DLEU7: variants seen among roughly 807,000 people sequenced by gnomAD.
DLEU7 encodes the protein deleted in lymphocytic leukemia 7.
A neutral mutation model predicts 16.0 loss-of-function variants in DLEU7; 17 were observed. That is an observed-to-expected ratio of 1.06 (90% CI 0.73 to 1.59). DLEU7 has a LOEUF of 1.59. Ranked by LOEUF, DLEU7 falls within the 40% of genes most tolerant of loss-of-function variation. The probability of loss-of-function intolerance (pLI) is 0.00; values close to 1 mark genes in which losing one functional copy is unlikely to be tolerated. For synonymous variants in DLEU7, 113 were observed against 139.8 expected, an observed-to-expected ratio of 0.81 and a Z score of 1.35; for missense variants, 308 against 314.9, an observed-to-expected ratio of 0.98 and a Z score of 0.17.
At chr13:50,719,251 C>G (rs919444548) in intron 1 of DLEU7, among the ~76,000 whole-genome samples, 1 of 152,158 alleles carries the variant, frequency 6.6e-6, no homozygotes, top group Non-Finnish European at 1.5e-5. Context: ...ACCAGACTAT[C>G]AGGACTCTAG....
At position 50,832,206 on chromosome 13, in the gene DLEU7, G is replaced by C. The variant is rs190891392; in HGVS notation, c.460-8686C>G. ...AGGGATTCGACTTCTTCATGGTTTGGTCTTGGGAGGGTATATGTGTCTAGG... is the reference window on the plus strand; with the variant it reads ...AGGGATTCGACTTCTTCATGGTTTGCTCTTGGGAGGGTATATGTGTCTAGG... On this transcript the variant is annotated intron_variant, in intron 1 of 1. Coordinates refer to ENST00000504404, the MANE Select transcript of DLEU7 (RefSeq NM_001306135.2). Among the ~76,000 whole-genome samples, 251 of 152,194 alleles carry C rather than the reference G, an allele frequency of 1.6e-3. 2 individuals are homozygous for C. Among genetic ancestry groups the C allele is most frequent in the Non-Finnish European group, 2.8e-3 (191 of 68,010 alleles).
chr13:50,747,275 G>A (rs541745657), intron 1 of DLEU7, among the ~76,000 whole-genome samples: 4 of 151,860 alleles, frequency 2.6e-5, no homozygotes, highest in African/African-American at 7.2e-5. Flanking sequence ...GTAAAAATAT[G>A]AGGCATTCCA....
chr13:50,835,390 T>A (rs1009960986), intron 1 of DLEU7, among the ~76,000 whole-genome samples: 1 of 152,174 alleles, frequency 6.6e-6, no homozygotes, highest in African/African-American at 2.4e-5. Flanking sequence ...AAACCAGTTT[T>A]GGGGATGGAA....
intron 1 of DLEU7, among the ~76,000 whole-genome samples, chr13:50,749,332 TTTGA>T (rs1874493568): frequency 6.6e-6 from 1 of 152,138 alleles, no homozygotes; most frequent in Admixed American, 6.5e-5. Context: ...TTATCCACTC[TTTGA>T]TTGATGGGCA....
At chr13:50,764,983 A>G (rs2137749317) in intron 1 of DLEU7, among the ~76,000 whole-genome samples, 1 of 152,222 alleles carries the variant, frequency 6.6e-6, no homozygotes, top group East Asian at 1.9e-4. Flanking sequence ...CCTGTGTTCA[A>G]GCAATTCTTC....
intron 1 of DLEU7, among the ~76,000 whole-genome samples, chr13:50,798,728 G>A (rs2137779648): frequency 1.3e-5 from 2 of 152,330 alleles, no homozygotes; most frequent in East Asian, 3.9e-4. Context: ...GAAATGATAA[G>A]CAGGACAATT....
chr13:50,840,463 A>G (rs1233255074), intron 1 of DLEU7, among the ~76,000 whole-genome samples: 1 of 152,244 alleles, frequency 6.6e-6, no homozygotes, highest in Non-Finnish European at 1.5e-5. Flanking sequence ...CATGCAGAGA[A>G]ACTGCTCTCT....
rs867864347 is a variant in DLEU7, at chr13:50,756,563, T to C, written c.460-43323A>G. Among the ~76,000 whole-genome samples, 209 of 152,256 alleles carry C rather than the reference T, an allele frequency of 1.4e-3. 1 individual carries two copies. Among genetic ancestry groups the C allele is most frequent in the African/African-American group, 4.6e-3 (191 of 41,554 alleles). ...TTCAGAGGGCCGGTCTCCCTCTCAC[T>C]GTGACCCGCTAACAACCCTGAGGCT... On this transcript the variant is annotated intron_variant, in intron 1 of 1. Transcript: ENST00000400393.
chr13:50,789,469 G>C (rs1027210211), intron 1 of DLEU7, among the ~76,000 whole-genome samples: 1 of 149,040 alleles, frequency 6.7e-6, no homozygotes, highest in Non-Finnish European at 1.5e-5. Context: ...TTGAGAGCAG[G>C]AAACTCATGG....
At chr13:50,818,907 C>T (rs1392699491), downstream of DLEU7, among the ~76,000 whole-genome samples, 1 of 152,152 alleles carries the variant, frequency 6.6e-6, no homozygotes, top group African/African-American at 2.4e-5. Flanking sequence ...TTGGGGTCCA[C>T]CCAGATAATC....
intron 1 of DLEU7, among the ~76,000 whole-genome samples, chr13:50,758,412 G>A (rs1299199997): frequency 2.0e-5 from 3 of 152,060 alleles, no homozygotes; most frequent in South Asian, 4.2e-4. Flanking sequence ...ATAACAAATG[G>A]CCCCCAAAGT....
intron 1 of DLEU7, among the ~76,000 whole-genome samples, chr13:50,767,194 G>A (rs1163794928): frequency 6.6e-6 from 1 of 152,132 alleles, no homozygotes; most frequent in African/African-American, 2.4e-5. Context: ...GGTGGCTCAC[G>A]CCTGTAATCC....
intron 1 of DLEU7, among the ~76,000 whole-genome samples, chr13:50,761,019 C>A (rs796739): frequency 0.47 from 71,398 of 151,970 alleles, 17,751 homozygotes; most frequent in African/African-American, 0.62. Flanking sequence ...TTGGATGGTG[C>A]AGCCACTGGA....
intron 1 of DLEU7, among the ~76,000 whole-genome samples, chr13:50,738,948 C>G (rs975452558): frequency 6.7e-6 from 1 of 148,486 alleles, no homozygotes; most frequent in Admixed American, 6.9e-5. Flanking sequence ...CAGTGAGCAG[C>G]CTCTAAAAAA....
chr13:50,841,737 C>CAA (rs200036592), intron 1 of DLEU7, among the ~76,000 whole-genome samples: 10 of 104,842 alleles, frequency 9.5e-5, no homozygotes, highest in Non-Finnish European at 1.1e-4. Context: ...GACCTTGTCT[C>CAA]AAAAAAAAAA....
At chr13:50,731,547 T>G (rs1873912410) in intron 1 of DLEU7, among the ~76,000 whole-genome samples, 1 of 152,246 alleles carries the variant, frequency 6.6e-6, no homozygotes, top group South Asian at 2.1e-4. Flanking sequence ...GGGTAGGGCC[T>G]GTATTGTTGA....
At chr13:50,736,147 C>T (rs1874064180) in intron 1 of DLEU7, among the ~76,000 whole-genome samples, 1 of 152,056 alleles carries the variant, frequency 6.6e-6, no homozygotes, top group Non-Finnish European at 1.5e-5. Flanking sequence ...AAATGTGGTA[C>T]ATTTACATCA....
intron 1 of DLEU7, among the ~76,000 whole-genome samples, chr13:50,767,495 C>T (rs1175040812): frequency 6.6e-6 from 1 of 151,198 alleles, no homozygotes; most frequent in African/African-American, 2.4e-5. Flanking sequence ...ACATGCATTT[C>T]CACCTGGATG....
At chr13:50,779,971 TCTTAACAGATGTGTTAACAG>T (rs1286977039) in intron 1 of DLEU7, among the ~76,000 whole-genome samples, 2 of 148,156 alleles carry the variant, frequency 1.3e-5, no homozygotes, top group Non-Finnish European at 2.9e-5. Context: ...CGTTAACACA[TCTTAACAGATGTGTTAACAG>T]CTTAACAGAG....
Sources: gnomAD v4.1 joint callset for allele counts (sites outside exome capture counted in the v4.1 genomes callset) on GRCh38, gnomAD v4.1.1 for gene constraint, MANE v1.5 for transcripts, NCBI Gene and HGNC (gene_info 2026-07-23, HGNC 2026-07-21) for gene names.